Variants in TRIQK observed in about 807,000 individuals in gnomAD.
The protein encoded by TRIQK is triple QxxK/R motif-containing protein.
A neutral mutation model predicts 10.8 loss-of-function variants in TRIQK; 10 were observed. The observed-to-expected ratio is 0.92, with a 90% CI of 0.57 to 1.57. The LOEUF (loss-of-function observed/expected upper bound fraction) is 1.57. Ranked by LOEUF, TRIQK falls within the 40% of genes most tolerant of loss-of-function variation. TRIQK has a pLI of 0.00. For missense variants in TRIQK, 107 were observed against 97.7 expected, an observed-to-expected ratio of 1.09 and a Z score of -0.40; for synonymous variants, 33 against 33.7, an observed-to-expected ratio of 0.98 and a Z score of 0.07.
At chr8:92,963,603 T>C (rs1812563536) in intron 1 of TRIQK, 1 of 152,090 alleles carries the variant, frequency 6.6e-6, no homozygotes, top group Non-Finnish European at 1.5e-5. Context: ...ATCTCAAAAG[T>C]ACAATTTTGG....
At chr8:93,010,734 C>G (rs1217802159) in intron 1 of TRIQK, among the ~76,000 whole-genome samples, 1 of 152,046 alleles carries the variant, frequency 6.6e-6, no homozygotes, top group Non-Finnish European at 1.5e-5. Context: ...AAATACTTCT[C>G]AGCCATCACA....
intron 2 of TRIQK, among the ~76,000 whole-genome samples, chr8:92,945,795 A>G (rs894066717): frequency 6.6e-6 from 1 of 152,218 alleles, no homozygotes; most frequent in Admixed American, 6.5e-5. Context: ...AAATACAGTT[A>G]ATTATCAATT....
At chr8:92,894,720 T>C (rs1044639169) in intron 3 of TRIQK, among the ~76,000 whole-genome samples, 3 of 152,140 alleles carry the variant, frequency 2.0e-5, no homozygotes, top group Non-Finnish European at 4.4e-5. Context: ...TCTTTATGTG[T>C]TTCATAATTT....
chr8:92,993,120 T>C (rs1442701787), intron 1 of TRIQK, among the ~76,000 whole-genome samples: 1 of 152,208 alleles, frequency 6.6e-6, no homozygotes, highest in African/African-American at 2.4e-5. Flanking sequence ...GGTAAGGCTG[T>C]TACATCATTG....
At chr8:92,893,195 G>T (rs1295955508) in intron 3 of TRIQK, among the ~76,000 whole-genome samples, 1 of 151,838 alleles carries the variant, frequency 6.6e-6, no homozygotes, top group African/African-American at 2.4e-5. Flanking sequence ...AATTTAATGT[G>T]CAATATATCT....
chr8:92,908,592 C>T (rs1228438153), intron 3 of TRIQK, among the ~76,000 whole-genome samples: 1 of 152,052 alleles, frequency 6.6e-6, no homozygotes, highest in African/African-American at 2.4e-5. Flanking sequence ...AAATTCAGTG[C>T]TTTAATCTTG....
chr8:92,893,263 C>G (rs1265272283), intron 3 of TRIQK, among the ~76,000 whole-genome samples: 1 of 151,898 alleles, frequency 6.6e-6, no homozygotes, highest in African/African-American at 2.4e-5. Context: ...AGTTTTAGAA[C>G]TAGAAATGGT....
intron 2 of TRIQK, among the ~76,000 whole-genome samples, chr8:92,936,987 C>G (rs1013285779): frequency 1.5e-4 from 23 of 151,528 alleles, no homozygotes; most frequent in African/African-American, 4.8e-4. Context: ...TTTGAGGGAG[C>G]AATGTGGCAA....
chr8:92,912,341 T>A (rs2130427445), intron 3 of TRIQK, among the ~76,000 whole-genome samples: 1 of 150,828 alleles, frequency 6.6e-6, no homozygotes. Context: ...GTAAAAGAAA[T>A]CAAATGGAAA....
intron 1 of TRIQK, among the ~76,000 whole-genome samples, chr8:92,995,405 A>G (rs1240023294): frequency 6.6e-6 from 1 of 151,946 alleles, no homozygotes; most frequent in Non-Finnish European, 1.5e-5. Context: ...TTTATTCCCC[A>G]TCTACCCTGC....
chr8:92,939,609 T>G (rs1331728813), intron 2 of TRIQK, among the ~76,000 whole-genome samples: 1 of 151,932 alleles, frequency 6.6e-6, no homozygotes, highest in Non-Finnish European at 1.5e-5. Flanking sequence ...CCTCCACAGA[T>G]CTCAGAGAAG....
Position 92,883,736 on chromosome 8 carries a change from G to T in TRIQK, c.*2886C>A, listed in dbSNP as rs945009570. On this transcript the variant is annotated 3_prime_UTR_variant, in exon 5 of 5. Transcript: ENST00000521988. ...TACTCTCAAGATCTTACAGTCATTG[G>T]TTGGGGTGAAAGTATTTCTTCTGTC... is the stretch of plus-strand genomic sequence containing the variant. 6 of 151,678 alleles carry T rather than the reference G, an allele frequency of 4.0e-5. No homozygotes were observed. The highest frequency in any genetic ancestry group is 9.7e-5 in the African/African-American group (4 of 41,378). The allele number at this position is 151,678 out of a possible 1,614,324, so 9.4% of individuals were successfully genotyped here. A position where few individuals can be genotyped will look rare whatever the true frequency, so the allele number is the denominator to read the frequency against.
intron 1 of TRIQK, among the ~76,000 whole-genome samples, chr8:92,978,226 G>C (rs1219208507): frequency 1.3e-5 from 2 of 152,028 alleles, no homozygotes; most frequent in Admixed American, 6.6e-5. Flanking sequence ...ACACCACCAG[G>C]CTCTACCTGG....
chr8:93,012,230 G>T lies in TRIQK; in HGVS notation c.-181+5379C>A, dbSNP rs76868863. On this transcript the variant is annotated intron_variant, in intron 1 of 4. Coordinates refer to the TRIQK transcript ENST00000520686. ...AACTTTGTTGAAAGGGTAAATATTT[G>T]TTCAGCTTTTTCTTTTTGGCAGTAA... is the stretch of plus-strand genomic sequence containing the variant. 8.1e-3 allele frequency among the ~76,000 whole-genome samples: 1,232 copies of T among 152,242 alleles called. 39 individuals are homozygous for T. The highest frequency in any genetic ancestry group is 0.066 in the East Asian group (341 of 5,176).
chr8:92,918,043 G>C (rs1315644944), intron 2 of TRIQK, among the ~76,000 whole-genome samples: 2 of 151,938 alleles, frequency 1.3e-5, no homozygotes, highest in African/African-American at 4.8e-5. Context: ...CCATGTTGCT[G>C]CAAATGGCAG....
At position 92,927,425 on chromosome 8, in the gene TRIQK, T is replaced by TA. The variant is rs34162144; in HGVS notation, c.-21-10416dup. On this transcript the variant is annotated intron_variant, in intron 2 of 4. Transcript: ENST00000521988. Reference sequence around the variant, plus strand: ...AAAGTTAAATAACCAAATTTGAAAGTAAAAAAAAAACAAATAACAAAATTT... The same window carrying TA: ...AAAGTTAAATAACCAAATTTGAAAGTAAAAAAAAAAACAAATAACAAAATTT... Among the ~76,000 whole-genome samples, 539 of 150,460 alleles carry TA rather than the reference T, an allele frequency of 3.6e-3. 4 individuals are homozygous for TA. The highest frequency in any genetic ancestry group is 0.012 in the African/African-American group (501 of 41,076).
At chr8:92,986,399 G>A (rs1392004016) in intron 1 of TRIQK, among the ~76,000 whole-genome samples, 1 of 152,002 alleles carries the variant, frequency 6.6e-6, no homozygotes, top group Non-Finnish European at 1.5e-5. Flanking sequence ...CAACCATTTG[G>A]GGAAAATATT....
intron 4 of TRIQK, 109 bp from the exon 5 acceptor site, chr8:92,886,844 T>A: frequency 1.5e-6 from 1 of 647,744 alleles, no homozygotes; most frequent in Non-Finnish European, 2.6e-6. Context: ...GAATGAATAA[T>A]TTGAACCTAA....
At chr8:92,948,064 A>T (rs1811649084) in intron 2 of TRIQK, among the ~76,000 whole-genome samples, 1 of 152,196 alleles carries the variant, frequency 6.6e-6, no homozygotes, top group Non-Finnish European at 1.5e-5. Flanking sequence ...CACACACATA[A>T]AAACACACCC....
Sources: allele counts gnomAD v4.1 joint callset (sites outside exome capture counted in the v4.1 genomes callset), GRCh38; gene constraint gnomAD v4.1.1; transcripts MANE v1.5; gene names NCBI Gene and HGNC (gene_info 2026-07-23, HGNC 2026-07-21).